The following TMEM44 variants were observed in gnomAD, a reference collection of about 807,000 sequenced individuals.
TMEM44 encodes transmembrane protein 44.
A neutral mutation model predicts 47.8 loss-of-function variants in TMEM44; 43 were observed. The observed-to-expected ratio is 0.90, with a 90% CI of 0.70 to 1.16. The LOEUF (loss-of-function observed/expected upper bound fraction) is 1.16. Ranked by LOEUF, TMEM44 falls within the 50% of genes most tolerant of loss-of-function variation. TMEM44 has a pLI of 0.00. For synonymous variants in TMEM44, 277 were observed against 238.8 expected (o/e 1.16, Z -1.48); for missense variants, 568 against 555.2 (o/e 1.02, Z -0.23).
intron 5 of TMEM44, among the ~76,000 whole-genome samples, chr3:194,620,801 CA>C (rs777090454): frequency 2.8e-4 from 42 of 151,572 alleles, no homozygotes; most frequent in Admixed American, 1.8e-3. Flanking sequence ...CCAAGGCGGG[CA>C]GATCACTTGA....
In TMEM44 at chr3:194,588,543, T is replaced by G. The variant is rs1448865568; in HGVS notation, c.1273A>C (p.Ser425Arg). The G allele has an allele frequency of 6.2e-7, 1 of 1,614,120 alleles. No homozygotes were observed. The highest frequency in any genetic ancestry group is 8.5e-7 in the Non-Finnish European group (1 of 1,179,974). ...TCCAGAAGGTGTTAATCATCATCACTCAGGTGTGCTGTCCTCACAGAGTCC... is the reference window on the plus strand; with the variant it reads ...TCCAGAAGGTGTTAATCATCATCACGCAGGTGTGCTGTCCTCACAGAGTCC... ...HQDSVRTAHL[S>R]DDD Residue 425 changes from serine (S) to arginine (R), a missense_variant, in exon 10 of 10, where the codon AGT (serine) becomes CGT (arginine). Coordinates refer to ENST00000347147, the MANE Select transcript of TMEM44 (RefSeq NM_001011655.3).
intron 1 of TMEM44, among the ~76,000 whole-genome samples, chr3:194,630,893 G>C (rs1211329924): frequency 8.5e-5 from 11 of 128,736 alleles, no homozygotes; most frequent in South Asian, 2.7e-4. Flanking sequence ...GGCTGTTTCC[G>C]TCAGCGTCAC....
At chr3:194,608,740 G>C (rs980808528) in intron 8 of TMEM44, among the ~76,000 whole-genome samples, 1 of 152,154 alleles carries the variant, frequency 6.6e-6, no homozygotes, top group African/African-American at 2.4e-5. Flanking sequence ...ATGGGGTCTC[G>C]CTATGTGGTC....
At chr3:194,588,667 T>C (rs1199523409) in intron 9 of TMEM44, 28 bp from the exon 10 acceptor site, 3 of 1,601,076 alleles carry the variant, frequency 1.9e-6, no homozygotes, top group African/African-American at 1.3e-5. Context: ...AAAGGGTAGC[T>C]GGGTGGAACG....
rs1283128056 is a variant in TMEM44, at chr3:194,604,378, TC to T, written c.1084del (p.Asp362ThrfsTer37). 13 of 1,555,460 alleles carry T rather than the reference TC, an allele frequency of 8.4e-6. No homozygotes were observed. The Admixed American group carries it at 1.6e-4, about 19-fold the overall frequency. On this transcript the variant is annotated frameshift_variant, in exon 9 of 10. Coordinates refer to ENST00000347147, the MANE Select transcript of TMEM44 (RefSeq NM_001011655.3). LOFTEE classifies it high-confidence loss of function. ...CTGAACGGGAGGGTACGACGGGGGG[TC>T]CTGCAGGGACGCATCTCCGGCGCTC... ...QTSAGDASLQ[D>X]PPSYPPVQVI...
At chr3:194,606,107 G>A (rs978816744) in intron 8 of TMEM44, among the ~76,000 whole-genome samples, 1 of 152,124 alleles carries the variant, frequency 6.6e-6, no homozygotes, top group Non-Finnish European at 1.5e-5. Flanking sequence ...TTCTATAAAT[G>A]CCCAAGGCCT....
intron 2 of TMEM44, among the ~76,000 whole-genome samples, chr3:194,627,871 C>T (rs3845908): frequency 0.45 from 67,596 of 151,816 alleles, 15,876 homozygotes; most frequent in East Asian, 0.85. Flanking sequence ...CCCAGTTACT[C>T]GGGAGGCTGA....
chr3:194,632,901 T>G (rs1717967188), intron 1 of TMEM44, 178 bp downstream of exon 1: 1 of 1,070,238 alleles, frequency 9.3e-7, no homozygotes, highest in South Asian at 1.7e-5. Flanking sequence ...TCCCTGTGCG[T>G]GGGATCCGGA....
intron 7 of TMEM44, among the ~76,000 whole-genome samples, chr3:194,613,875 C>CT: frequency 6.6e-6 from 1 of 151,686 alleles, no homozygotes; most frequent in Non-Finnish European, 1.5e-5. Context: ...GTAATCCCAG[C>CT]ACTTTGGGAA....
chr3:194,593,258 T>A (rs1486244413), intron 9 of TMEM44, among the ~76,000 whole-genome samples: 1 of 152,058 alleles, frequency 6.6e-6, no homozygotes, highest in Non-Finnish European at 1.5e-5. Flanking sequence ...GCAGTTACAA[T>A]TTAGTTAAAT....
In TMEM44 at chr3:194,628,428, C is replaced by T. The variant is rs1717406722; in HGVS notation, c.219G>A (p.Leu73=). The change falls in exon 2 of 10, where the codon CTG becomes CTA. Residue 73 remains leucine, a synonymous_variant. Coordinates refer to ENST00000347147, the MANE Select transcript of TMEM44 (RefSeq NM_001011655.3). The stretch of plus-strand genomic sequence containing the variant: ...CCAGAAGAGCCCCGACGGTGTCACA[C>T]AGACTGGTCAGGAGGCAGCACGCAG... The part of the protein sequence containing the change: ...LCAACCLLTS[L]CDTVGALLAR... 1 of 1,613,154 alleles carries T rather than the reference C, an allele frequency of 6.2e-7. No individual in the cohort carries two copies. The highest frequency in any genetic ancestry group is 8.5e-7 in the Non-Finnish European group (1 of 1,179,568).
At chr3:194,608,324 C>T (rs964255536) in intron 8 of TMEM44, among the ~76,000 whole-genome samples, 2 of 152,232 alleles carry the variant, frequency 1.3e-5, no homozygotes, top group Admixed American at 6.5e-5. Flanking sequence ...CCGAGTCTCT[C>T]CGGGCACCGG....
chr3:194,627,409 G>A (rs149605137), intron 2 of TMEM44, among the ~76,000 whole-genome samples: 1 of 149,490 alleles, frequency 6.7e-6, no homozygotes, highest in African/African-American at 2.5e-5. Context: ...GGTTTTCCTG[G>A]GGATATGTGT....
chr3:194,619,514 C>T (rs1291660901), intron 5 of TMEM44, among the ~76,000 whole-genome samples: 4 of 152,184 alleles, frequency 2.6e-5, no homozygotes, highest in Non-Finnish European at 5.9e-5. Flanking sequence ...CTCCTGGTGT[C>T]AGCACAACGC....
In TMEM44 at chr3:194,604,421, G is replaced by T. The variant is rs370371509; in HGVS notation, c.1042C>A (p.Pro348Thr). The T allele has an allele frequency of 3.2e-5, 49 of 1,526,056 alleles. No homozygotes were observed. The Middle Eastern group carries it at 1.7e-3, about 53-fold the overall frequency. 94.5% of individuals were successfully genotyped at this position (1,526,056 alleles called of 1,614,324 possible). Residue 348 changes from proline to threonine, a missense_variant, in exon 9 of 10, where the codon CCA (proline) becomes ACA (threonine). Pro to Thr is a conservative substitution (Grantham distance 38). Coordinates refer to ENST00000347147, the MANE Select transcript of TMEM44 (RefSeq NM_001011655.3). ...CCGGCGCTCGTCTGCCCGTCACCTG[G>T]CAGCCTGGTGGCACTGCAGCCTGCC... is the stretch of plus-strand genomic sequence containing the variant. Reference protein sequence around the residue: ...QQAGCSATRLPGDGQTSAGDA... With the variant: ...QQAGCSATRLTGDGQTSAGDA...
At chr3:194,604,677 A>C (rs185231135) in intron 8 of TMEM44, among the ~76,000 whole-genome samples, 2 of 152,304 alleles carry the variant, frequency 1.3e-5, no homozygotes, top group African/African-American at 4.8e-5. Context: ...CCACGTACAC[A>C]TATTTCCCCC....
intron 5 of TMEM44, chr3:194,617,809 A>T (rs12632700): frequency 0.4 from 277,017 of 697,458 alleles, 60,780 homozygotes; most frequent in East Asian, 0.78. Context: ...TGGGGTGGAT[A>T]TCTCATGAAT....
chr3:194,617,814 A>G lies in TMEM44; in HGVS notation c.613-545T>C, dbSNP rs936029404. The stretch of plus-strand genomic sequence containing the variant: ...GGTTGGGTCATGGGGTGGATATCTC[A>G]TGAATGGTCTGGCACCATACCCTGG... On this transcript the variant is annotated intron_variant, in intron 5 of 9. Transcript: ENST00000347147. The G allele has an allele frequency of 4.3e-6, 3 of 695,706 alleles. No homozygotes were observed. The African/African-American group carries it at 5.3e-5, about 12-fold the overall frequency. 43.1% of individuals were successfully genotyped at this position (695,706 alleles called of 1,614,324 possible).
At chr3:194,628,151 G>A (rs571737183) in intron 2 of TMEM44, among the ~76,000 whole-genome samples, 21 of 152,314 alleles carry the variant, frequency 1.4e-4, no homozygotes, top group African/African-American at 5.1e-4. Flanking sequence ...TCCTGGCCGT[G>A]AGAAGTGACT....
Sources: allele counts gnomAD v4.1 joint callset (sites outside exome capture counted in the v4.1 genomes callset), GRCh38; gene constraint gnomAD v4.1.1; transcripts MANE v1.5; gene names NCBI Gene and HGNC (gene_info 2026-07-23, HGNC 2026-07-21).